Variants in ZNF583 observed in about 807,000 individuals in gnomAD.
The protein encoded by ZNF583 is zinc finger protein L3-5.
In ZNF583, 30 loss-of-function variants were observed where a neutral mutation model predicts 55.3. The ratio of observed to expected loss-of-function variants is 0.54; its 90% CI spans 0.41 to 0.74. The LOEUF is 0.74. Among genes scored for constraint, ZNF583 ranks in the 30% least tolerant of loss-of-function variants. The pLI, the probability that ZNF583 is intolerant of heterozygous loss-of-function variation, is 0.00. For missense variants in ZNF583, 504 were observed against 664.7 expected, an observed-to-expected ratio of 0.76 and a Z score of 2.66; for synonymous variants, 208 against 220.0, an observed-to-expected ratio of 0.95 and a Z score of 0.48.
chr19:56,417,513 G>C (rs1479486810), intron 4 of ZNF583, among the ~76,000 whole-genome samples: 1 of 152,038 alleles, frequency 6.6e-6, no homozygotes, highest in Non-Finnish European at 1.5e-5. Context: ...TGTTTTATTG[G>C]ATTGTTTATC....
intron 2 of ZNF583, among the ~76,000 whole-genome samples, chr19:56,410,644 G>A (rs1457212202): frequency 6.6e-6 from 1 of 152,168 alleles, no homozygotes; most frequent in Non-Finnish European, 1.5e-5. Flanking sequence ...GGAGGTTGCT[G>A]TGAGCCAAGA....
chr19:56,416,869 C>T (rs976883034), intron 4 of ZNF583, among the ~76,000 whole-genome samples: 4 of 152,086 alleles, frequency 2.6e-5, no homozygotes, highest in African/African-American at 4.8e-5. Context: ...ATTTCTATCA[C>T]CCCAAAAGAT....
chr19:56,410,458 G>T (rs1317989253), intron 2 of ZNF583, among the ~76,000 whole-genome samples: 1 of 151,912 alleles, frequency 6.6e-6, no homozygotes, highest in Non-Finnish European at 1.5e-5. Context: ...CCAGCACTTT[G>T]GGGGGCCGAG....
At position 56,404,828 on chromosome 19, in the gene ZNF583, T is replaced by A. The variant is rs566093503; in HGVS notation, c.-90+376T>A. Among the ~76,000 whole-genome samples the A allele has an allele frequency of 1.3e-5, 2 of 152,286 alleles. No individual in the cohort carries two copies. Among genetic ancestry groups the A allele is most frequent in the Non-Finnish European group, 2.9e-5 (2 of 68,020 alleles). On this transcript the variant is annotated intron_variant, in intron 1 of 4. Coordinates refer to ENST00000333201, the MANE Select transcript of ZNF583 (RefSeq NM_152478.3). This position sits in a 1 kb window ranked among gnomAD's most constrained non-coding sequence, Gnocchi z 5.2. ...GGGACTGTGTGACACTGTATGTGCT[T>A]AAGACCACGTCACCATGTGTGAGAC... is the stretch of plus-strand genomic sequence containing the variant.
intron 2 of ZNF583, among the ~76,000 whole-genome samples, chr19:56,407,832 A>G (rs2042178503): frequency 6.6e-6 from 1 of 152,234 alleles, no homozygotes; most frequent in Admixed American, 6.5e-5. Flanking sequence ...CATTAAAATA[A>G]AAGCTGTATA....
intron 4 of ZNF583, among the ~76,000 whole-genome samples, chr19:56,422,583 G>C (rs1001980143): frequency 1.4e-4 from 21 of 152,246 alleles, no homozygotes; most frequent in African/African-American, 5.1e-4. Flanking sequence ...TAGCTTGAAT[G>C]CAGGATAACC....
At chr19:56,417,394 T>G (rs1234364372) in intron 4 of ZNF583, among the ~76,000 whole-genome samples, 1 of 152,230 alleles carries the variant, frequency 6.6e-6, no homozygotes. Context: ...GGTTGTATTG[T>G]GGTTTTAATA....
chr19:56,406,580 T>C (rs2042153403), intron 1 of ZNF583, among the ~76,000 whole-genome samples: 1 of 142,486 alleles, frequency 7.0e-6, no homozygotes, highest in Non-Finnish European at 1.5e-5. Context: ...TGGCCCAGAC[T>C]GGAGTGTGGT....
In ZNF583 at chr19:56,423,439, A is replaced by G. The variant is rs1032221005; in HGVS notation, c.781A>G (p.Ile261Val). ...TGCAAACTTGGCGCAACATAAGAGA[A>G]TACATACTGGAGAGAAACCCTATGA... The part of the protein sequence containing the change: ...QSANLAQHKR[I>V]HTGEKPYECK... Residue 261 changes from isoleucine (I) to valine (V), a missense_variant, in exon 5 of 5, where the codon ATA (isoleucine) becomes GTA (valine). By Grantham distance (29) the Ile-to-Val change is conservative. Transcript: ENST00000333201. 6.2e-7 allele frequency: 1 copy of G among 1,613,910 alleles called. No homozygotes were observed. Among genetic ancestry groups the G allele is most frequent in the Non-Finnish European group, 8.5e-7 (1 of 1,179,862 alleles).
intron 4 of ZNF583, 70 bp from the exon 5 acceptor site, chr19:56,422,821 A>T: frequency 8.6e-7 from 1 of 1,160,616 alleles, no homozygotes; most frequent in Non-Finnish European, 1.2e-6. Flanking sequence ...TATTTTATTC[A>T]CGTTTTTGTT....
In ZNF583 at chr19:56,426,936, CT is replaced by C. The variant is rs2042495680; in HGVS notation, c.*2570del. ...TACACATAGAACAATGTAAATGATT[CT>C]TAAAAAAAAAAAAAAGGTGAGGCTT... On this transcript the variant is annotated 3_prime_UTR_variant, in exon 5 of 5. Coordinates refer to ENST00000333201, the MANE Select transcript of ZNF583 (RefSeq NM_152478.3). 1.4e-5 allele frequency: 1 copy of C among 73,042 alleles called. No individual in the cohort carries two copies. Among genetic ancestry groups the C allele is most frequent in the Non-Finnish European group, 2.9e-5 (1 of 34,738 alleles). The allele number at this position is 73,042 out of a possible 1,614,324, so 4.5% of individuals were successfully genotyped here. A position where few individuals can be genotyped will look rare whatever the true frequency, so the allele number is the denominator to read the frequency against.
intron 1 of ZNF583, among the ~76,000 whole-genome samples, chr19:56,406,255 A>G (rs1164766520): frequency 6.6e-6 from 1 of 152,208 alleles, no homozygotes; most frequent in African/African-American, 2.4e-5. Flanking sequence ...TCTCTGAGAA[A>G]TTTCACTTTG....
chr19:56,409,455 C>T (rs1395974898), intron 2 of ZNF583, among the ~76,000 whole-genome samples: 2 of 152,190 alleles, frequency 1.3e-5, no homozygotes, highest in Non-Finnish European at 2.9e-5. Flanking sequence ...GAATCATGGT[C>T]TCTTGGTGGC....
intron 1 of ZNF583, among the ~76,000 whole-genome samples, chr19:56,406,036 G>C (rs2147544534): frequency 6.6e-6 from 1 of 152,268 alleles, no homozygotes; most frequent in South Asian, 2.1e-4. Context: ...CACCATAGGG[G>C]GTTTGGATGA....
rs146186875 is a variant in ZNF583 at position 56,424,288 on chromosome 19, A to G, written c.1630A>G (p.Met544Val). 2.7e-5 allele frequency: 44 copies of G among 1,613,872 alleles called. No individual in the cohort carries two copies. In the African/African-American group the frequency reaches 4.4e-4, roughly 16 times the overall value. The change falls in exon 5 of 5, where the codon ATG (methionine) becomes GTG (valine). Residue 544 changes from methionine (M) to valine (V), a missense_variant. This residue lies in a region of ZNF583 where 63 missense variants were observed against 56.5 expected (regional missense o/e 1.11). Transcript: ENST00000333201. ...HLAHHERIHT[M>V]ESFLTLSSPS... ...TGCTCATCATGAGAGAATTCATACT[A>G]TGGAGTCATTCTTGACTCTTTCCTC...
In ZNF583 at chr19:56,423,910, A is replaced by T; in HGVS notation, c.1252A>T (p.Ser418Cys). 6.2e-7 allele frequency: 1 copy of T among 1,614,104 alleles called. No homozygotes were observed. Among genetic ancestry groups the T allele is most frequent in the East Asian group, 2.2e-5 (1 of 44,868 alleles). The change falls in exon 5 of 5, where the codon AGC becomes TGC. Residue 418 changes from serine (S) to cysteine (C), a missense_variant. Around this residue, in one of 3 missense-constraint regions of ZNF583, gnomAD observed 237 missense variants for 373.0 expected, o/e 0.64. Transcript: ENST00000333201. ...YECKVCRKAF[S>C]QIAYLDQHQR... The stretch of plus-strand genomic sequence containing the variant: ...ATGTAAAGTATGTAGGAAAGCCTTC[A>T]GCCAAATTGCATACCTTGATCAACA...
intron 4 of ZNF583, among the ~76,000 whole-genome samples, chr19:56,417,879 G>C (rs978098045): frequency 4.6e-5 from 7 of 152,076 alleles, no homozygotes; most frequent in African/African-American, 1.4e-4. Flanking sequence ...GTTGCCCCAA[G>C]ACCCTTTGTC....
In ZNF583 at chr19:56,423,883, G is replaced by A; in HGVS notation, c.1225G>A (p.Glu409Lys). 6.2e-7 allele frequency: 1 copy of A among 1,613,818 alleles called. No homozygotes were observed. Among genetic ancestry groups the A allele is most frequent in the Non-Finnish European group, 8.5e-7 (1 of 1,179,928 alleles). Residue 409 changes from glutamate (E) to lysine (K), a missense_variant, in exon 5 of 5, where the codon GAA becomes AAA. Coordinates refer to ENST00000333201, the MANE Select transcript of ZNF583 (RefSeq NM_152478.3). ...QRVHTGEKPY[E>K]CKVCRKAFSQ... ...AGTTCATACTGGAGAAAAACCTTATGAATGTAAAGTATGTAGGAAAGCCTT... is the reference window on the plus strand; with the variant it reads ...AGTTCATACTGGAGAAAAACCTTATAAATGTAAAGTATGTAGGAAAGCCTT...
intron 2 of ZNF583, 68 bp downstream of exon 2, chr19:56,407,191 T>A (rs4801159): frequency 0.81 from 1,281,672 of 1,586,512 alleles, 519,347 homozygotes; most frequent in East Asian, 0.94. Flanking sequence ...GAACATTTTG[T>A]TTTTCTTCCA....
Sources: gnomAD v4.1 joint callset for allele counts (sites outside exome capture counted in the v4.1 genomes callset) on GRCh38, gnomAD v4.1.1 for gene constraint, gnomAD v4.1.1 regional missense constraint, Gnocchi (gnomAD v3.1) non-coding constraint, MANE v1.5 for transcripts, NCBI Gene and HGNC (gene_info 2026-07-23, HGNC 2026-07-21) for gene names.